Variants in WDR25 observed in about 807,000 individuals in gnomAD.
The protein encoded by WDR25 is WD repeat-containing protein 25.
A neutral mutation model predicts 47.7 loss-of-function variants in WDR25; 35 were observed. That is an observed-to-expected ratio of 0.73 (90% CI 0.56 to 0.97). The LOEUF is 0.97. Ranked by LOEUF, WDR25 falls within the 50% of genes least tolerant of loss-of-function variation. The pLI, the probability that WDR25 is intolerant of heterozygous loss-of-function variation, is 0.00. For missense variants in WDR25, 634 were observed against 704.7 expected, an observed-to-expected ratio of 0.90 and a Z score of 1.14; for synonymous variants, 248 against 278.9, an observed-to-expected ratio of 0.89 and a Z score of 1.10.
chr14:100,503,072 T>C (rs769536115), intron 4 of WDR25, among the ~76,000 whole-genome samples: 29 of 151,808 alleles, frequency 1.9e-4, no homozygotes, highest in Non-Finnish European at 3.7e-4. Flanking sequence ...TGTGTGTGTG[T>C]GTGTGCATGC....
chr14:100,426,489 T>C (rs1233759699), intron 2 of WDR25, among the ~76,000 whole-genome samples: 1 of 152,252 alleles, frequency 6.6e-6, no homozygotes, highest in Non-Finnish European at 1.5e-5. Flanking sequence ...CGTGCAGAGC[T>C]GTCAAAAGTC....
intron 2 of WDR25, among the ~76,000 whole-genome samples, chr14:100,418,875 T>C (rs187933725): frequency 8.5e-5 from 13 of 152,050 alleles, no homozygotes; most frequent in African/African-American, 3.1e-4. Flanking sequence ...TTCCTGTGAC[T>C]CCCATTGTCT....
intron 3 of WDR25, among the ~76,000 whole-genome samples, chr14:100,482,744 A>G (rs1314809464): frequency 6.6e-6 from 1 of 152,192 alleles, no homozygotes; most frequent in Non-Finnish European, 1.5e-5. Context: ...TCTGAATTGA[A>G]TGAGCAAGTG....
At chr14:100,497,819 C>T (rs1900783870) in intron 4 of WDR25, among the ~76,000 whole-genome samples, 1 of 152,118 alleles carries the variant, frequency 6.6e-6, no homozygotes. Context: ...GATTGTGTGT[C>T]CCCCTCCCCC....
At chr14:100,436,677 G>A (rs1898509829) in intron 2 of WDR25, among the ~76,000 whole-genome samples, 1 of 152,160 alleles carries the variant, frequency 6.6e-6, no homozygotes, top group Non-Finnish European at 1.5e-5. Flanking sequence ...GGGGACAAGT[G>A]TCCTGTGTGT....
At chr14:100,447,058 A>G (rs1898859953) in intron 2 of WDR25, among the ~76,000 whole-genome samples, 1 of 152,266 alleles carries the variant, frequency 6.6e-6, no homozygotes, top group Non-Finnish European at 1.5e-5. Flanking sequence ...ATGTAATTAT[A>G]CAGACTAATT....
At chr14:100,450,682 A>T (rs1293563130) in intron 2 of WDR25, among the ~76,000 whole-genome samples, 1 of 152,222 alleles carries the variant, frequency 6.6e-6, no homozygotes, top group East Asian at 1.9e-4. Context: ...GTGGAAAGTG[A>T]TGCACAAAAA....
chr14:100,413,655 C>T (rs1897780346), intron 2 of WDR25, among the ~76,000 whole-genome samples: 1 of 152,172 alleles, frequency 6.6e-6, no homozygotes, highest in Non-Finnish European at 1.5e-5. Flanking sequence ...CCTCGTGATC[C>T]ACCCACCTCG....
intron 2 of WDR25, among the ~76,000 whole-genome samples, chr14:100,383,307 G>A (rs1435767503): frequency 1.3e-5 from 2 of 152,196 alleles, no homozygotes; most frequent in African/African-American, 4.8e-5. Flanking sequence ...GGAGGCTTCT[G>A]GCATCCCTGG....
intron 2 of WDR25, among the ~76,000 whole-genome samples, chr14:100,442,106 A>G (rs893952229): frequency 6.6e-6 from 1 of 152,214 alleles, no homozygotes; most frequent in Non-Finnish European, 1.5e-5. Context: ...GGCCAGAGCC[A>G]TGCTTGAGCT....
chr14:100,520,060 ATGTG>A (rs755623468), intron 4 of WDR25, among the ~76,000 whole-genome samples: 2 of 134,322 alleles, frequency 1.5e-5, no homozygotes, highest in Admixed American at 8.1e-5. Flanking sequence ...ATATGTACAT[ATGTG>A]TGTGTGTGTG....
chr14:100,461,136 C>A (rs752847957), intron 2 of WDR25, among the ~76,000 whole-genome samples: 1 of 152,094 alleles, frequency 6.6e-6, no homozygotes, highest in Non-Finnish European at 1.5e-5. Flanking sequence ...ATTGCTTGAG[C>A]CCAGGAGTTC....
chr14:100,530,274 G>A lies in WDR25; in HGVS notation c.*233G>A. The A allele has an allele frequency of 1.8e-6, 1 of 552,924 alleles. No individual in the cohort carries two copies. Among genetic ancestry groups the A allele is most frequent in the Non-Finnish European group, 3.2e-6 (1 of 312,878 alleles). The allele number at this position is 552,924 out of a possible 1,614,324, so 34.3% of individuals were successfully genotyped here. A position where few individuals can be genotyped will look rare whatever the true frequency, so the allele number is the denominator to read the frequency against. ...AGCCGGCGATGCCCAATAAATGTGTGTTTTGCTGTTTGTTAAGTGATTTCA... is the reference window on the plus strand; with the variant it reads ...AGCCGGCGATGCCCAATAAATGTGTATTTTGCTGTTTGTTAAGTGATTTCA... On this transcript the variant is annotated 3_prime_UTR_variant, in exon 7 of 7. Transcript: ENST00000402312.
intron 2 of WDR25, among the ~76,000 whole-genome samples, chr14:100,435,088 A>G (rs1434793375): frequency 6.6e-6 from 1 of 152,080 alleles, no homozygotes; most frequent in Non-Finnish European, 1.5e-5. Flanking sequence ...TGTCTTTTCC[A>G]CCTGACTCTG....
chr14:100,515,173 C>T (rs986498729), intron 4 of WDR25, among the ~76,000 whole-genome samples: 3 of 151,766 alleles, frequency 2.0e-5, no homozygotes, highest in Non-Finnish European at 4.4e-5. Context: ...AAACAATGGG[C>T]CTTGGTGTAA....
Position 100,425,607 on chromosome 14 carries a change from G to T in WDR25, c.823-42414G>T, listed in dbSNP as rs887926663. Among the ~76,000 whole-genome samples, 4 of 152,208 alleles carry T rather than the reference G, an allele frequency of 2.6e-5. No homozygotes were observed. The highest frequency in any genetic ancestry group is 2.6e-4 in the Admixed American group (4 of 15,284). ...ATGAAGCTCATCAGGCAGCACCGTC[G>T]GACGCTGATGGTGGGGGCTGGGCCC... On this transcript the variant is annotated intron_variant, in intron 2 of 6. Coordinates refer to ENST00000402312, the MANE Select transcript of WDR25 (RefSeq NM_001161476.3). This position sits in a 1 kb window ranked among gnomAD's most constrained non-coding sequence, Gnocchi z 4.8.
rs1328786977 is a variant in WDR25, at chr14:100,378,701, G to A, written c.-16+2206G>A. ...AGGCCGGGCGCGGTGGCTCACGCCT[G>A]TAATCCCAGCACTTTGGGAGGCCGA... On this transcript the variant is annotated intron_variant, in intron 1 of 6. Coordinates refer to ENST00000402312, the MANE Select transcript of WDR25 (RefSeq NM_001161476.3). 2.4e-5 allele frequency among the ~76,000 whole-genome samples: 2 copies of A among 84,494 alleles called. 1 individual carries two copies. Among genetic ancestry groups the A allele is most frequent in the Non-Finnish European group, 6.9e-5 (2 of 29,060 alleles). 55.4% of individuals were successfully genotyped at this position (84,494 alleles called of 152,430 possible).
At chr14:100,497,838 G>A (rs995862164) in intron 4 of WDR25, among the ~76,000 whole-genome samples, 4 of 152,138 alleles carry the variant, frequency 2.6e-5, no homozygotes, top group Non-Finnish European at 2.9e-5. Flanking sequence ...CCCGCCAGGT[G>A]ATGCTGCTTC....
rs777678326 is a variant in WDR25, at chr14:100,500,723, G to A, written c.1101+16599G>A. Among the ~76,000 whole-genome samples, 7 of 152,228 alleles carry A rather than the reference G, an allele frequency of 4.6e-5. No homozygotes were observed. Among genetic ancestry groups the A allele is most frequent in the Admixed American group, 3.3e-4 (5 of 15,298 alleles). ...GTGGCTTCTTTGGGGTTGAGGGTGC[G>A]TGGAGGAGGCAGCTGCAGGTGGTAC... On this transcript the variant is annotated intron_variant, in intron 4 of 6. Transcript: ENST00000402312. The surrounding 1 kb of genome is among the most constrained non-coding windows in gnomAD (Gnocchi z 4.7).
Sources: allele counts gnomAD v4.1 joint callset (sites outside exome capture counted in the v4.1 genomes callset), GRCh38; gene constraint gnomAD v4.1.1; non-coding constraint Gnocchi (gnomAD v3.1); transcripts MANE v1.5; gene names NCBI Gene and HGNC (gene_info 2026-07-23, HGNC 2026-07-21).